Variants in ST7 observed in about 807,000 individuals in gnomAD.
The protein encoded by ST7 is suppressor of tumorigenicity 7 protein.
Under a neutral mutation model 78.7 loss-of-function variants are expected in ST7, and 28 were observed. The observed-to-expected ratio is 0.36, with a 90% CI of 0.26 to 0.49. The LOEUF is 0.49. ST7 is among the 20% of genes least tolerant of loss of function. ST7 has a pLI of 0.99. For synonymous variants in ST7, 247 were observed against 249.6 expected (o/e 0.99, Z 0.10); for missense variants, 418 against 696.0 (o/e 0.60, Z 4.49).
At chr7:117,108,448 A>C (rs893347971) in intron 2 of ST7, among the ~76,000 whole-genome samples, 1 of 152,146 alleles carries the variant, frequency 6.6e-6, no homozygotes, top group African/African-American at 2.4e-5. Flanking sequence ...TCATAGGTCT[A>C]TATGCCTGTT....
chr7:117,111,060 G>T (rs181491094), intron 2 of ST7, among the ~76,000 whole-genome samples: 1 of 152,242 alleles, frequency 6.6e-6, no homozygotes, highest in Non-Finnish European at 1.5e-5. Flanking sequence ...ACAGCTTTAG[G>T]CTCCTGCTTT....
At chr7:116,968,724 A>G (rs1420030134) in intron 1 of ST7, 1 of 161,684 alleles carries the variant, frequency 6.2e-6, no homozygotes, top group African/African-American at 2.4e-5. Flanking sequence ...GTAGAGCACA[A>G]AGGAGAAATA....
At chr7:116,978,878 C>T (rs551989005) in intron 1 of ST7, among the ~76,000 whole-genome samples, 100 of 152,236 alleles carry the variant, frequency 6.6e-4, no homozygotes, top group Non-Finnish European at 1.0e-3. Flanking sequence ...TGAGCCACTG[C>T]GCCTGGCCCA....
intron 1 of ST7, among the ~76,000 whole-genome samples, chr7:117,036,158 C>A (rs1488606814): frequency 6.6e-6 from 1 of 152,150 alleles, no homozygotes; most frequent in African/African-American, 2.4e-5. Context: ...GGCAAGCTTA[C>A]TCCGCATATT....
At position 117,219,751 on chromosome 7, in the gene ST7, C is replaced by A. The variant is rs759709356; in HGVS notation, c.1498+575C>A. On this transcript the variant is annotated intron_variant, in intron 14 of 15. Coordinates refer to ENST00000323984, the MANE Select transcript of ST7 (RefSeq NM_001369598.1). The surrounding 1 kb of genome is among the most constrained non-coding windows in gnomAD (Gnocchi z 5.1). Reference sequence around the variant, plus strand: ...CTCGGAGTACCATGTGCAGAGCACACGTGTAGCCTCAGCACTGTATGAAAG... The same window carrying A: ...CTCGGAGTACCATGTGCAGAGCACAAGTGTAGCCTCAGCACTGTATGAAAG... 9.2e-5 allele frequency among the ~76,000 whole-genome samples: 14 copies of A among 152,234 alleles called. No homozygotes were observed. Among genetic ancestry groups the A allele is most frequent in the Non-Finnish European group, 1.8e-4 (12 of 68,034 alleles).
intron 12 of ST7, among the ~76,000 whole-genome samples, chr7:117,207,779 G>C (rs1001125392): frequency 6.6e-6 from 1 of 152,076 alleles, no homozygotes; most frequent in Non-Finnish European, 1.5e-5. Context: ...TAATTAGAAA[G>C]TCAGATCAAA....
At chr7:117,214,922 G>C (rs1792573702) in intron 13 of ST7, among the ~76,000 whole-genome samples, 1 of 121,092 alleles carries the variant, frequency 8.3e-6, no homozygotes, top group South Asian at 2.1e-4. Context: ...GTGTGTGTGT[G>C]TGTGTGTGTG....
chr7:117,089,574 G>GTT (rs1363196802), intron 1 of ST7, among the ~76,000 whole-genome samples: 17 of 136,698 alleles, frequency 1.2e-4, no homozygotes, highest in East Asian at 8.4e-4. Flanking sequence ...TTGTTTTTTT[G>GTT]TTTTTTTTTT....
intron 2 of ST7, among the ~76,000 whole-genome samples, chr7:117,109,080 A>G (rs1802208115): frequency 6.6e-6 from 1 of 152,070 alleles, no homozygotes; most frequent in African/African-American, 2.4e-5. Flanking sequence ...TACCGATTTG[A>G]ATGCCCTTTA....
At chr7:117,049,536 C>G (rs1797658978) in intron 1 of ST7, among the ~76,000 whole-genome samples, 1 of 152,206 alleles carries the variant, frequency 6.6e-6, no homozygotes, top group Non-Finnish European at 1.5e-5. Flanking sequence ...TTTCTCAAAT[C>G]ATACTATAGT....
intron 1 of ST7, among the ~76,000 whole-genome samples, chr7:117,044,936 C>T (rs936157287): frequency 6.6e-6 from 1 of 152,130 alleles, no homozygotes; most frequent in Non-Finnish European, 1.5e-5. Flanking sequence ...TAATGCCTCT[C>T]CCCCCTACTA....
intron 7 of ST7, 125 bp downstream of exon 7, chr7:117,134,317 G>C (rs1385261531): frequency 7.1e-7 from 1 of 1,408,784 alleles, no homozygotes; most frequent in African/African-American, 1.4e-5. Context: ...TTGTGACAAG[G>C]ATGCATCATC....
intron 1 of ST7, among the ~76,000 whole-genome samples, chr7:116,995,633 G>T (rs189360774): frequency 2.0e-5 from 3 of 152,248 alleles, no homozygotes; most frequent in Admixed American, 6.5e-5. Flanking sequence ...GACTGTGCTT[G>T]CCCCTTCCTC....
At chr7:117,017,313 C>G (rs1795662007) in intron 1 of ST7, among the ~76,000 whole-genome samples, 1 of 152,192 alleles carries the variant, frequency 6.6e-6, no homozygotes, top group South Asian at 2.1e-4. Context: ...TGGCTGATGC[C>G]TAGAGTGTAG....
intron 1 of ST7, among the ~76,000 whole-genome samples, chr7:116,989,647 T>C (rs1794338404): frequency 6.6e-6 from 1 of 151,954 alleles, no homozygotes; most frequent in Non-Finnish European, 1.5e-5. Context: ...GAGACCAGCA[T>C]GGGCAACATA....
chr7:117,221,180 C>T (rs1031197737), intron 14 of ST7, among the ~76,000 whole-genome samples: 4 of 152,120 alleles, frequency 2.6e-5, no homozygotes, highest in African/African-American at 4.8e-5. Context: ...TTTGGTTTTC[C>T]CAAACCCAAT....
Position 117,190,944 on chromosome 7 carries a change from T to G in ST7, c.1254+8T>G. The stretch of plus-strand genomic sequence containing the variant: ...AATCCTCATGTGCCAAAAGTGAGTC[T>G]GTGGAATCCCCACAGGAACTCGTTA... On this transcript the variant is annotated splice_region_variant and intron_variant, in intron 12 of 15. Coordinates refer to ENST00000323984, the MANE Select transcript of ST7 (RefSeq NM_001369598.1). This position sits in a 1 kb window ranked among gnomAD's most constrained non-coding sequence, Gnocchi z 5.2. 1 of 1,608,266 alleles carries G rather than the reference T, an allele frequency of 6.2e-7. No individual in the cohort carries two copies. Among genetic ancestry groups the G allele is most frequent in the Non-Finnish European group, 8.5e-7 (1 of 1,174,676 alleles).
intron 9 of ST7, among the ~76,000 whole-genome samples, chr7:117,166,839 A>C (rs71564582): frequency 0.14 from 21,980 of 151,646 alleles, 1,677 homozygotes; most frequent in Non-Finnish European, 0.16. Context: ...CAGTGAGCTG[A>C]GATTGCACCA....
chr7:116,999,930 C>T (rs544930849), intron 1 of ST7, among the ~76,000 whole-genome samples: 2 of 150,880 alleles, frequency 1.3e-5, no homozygotes, highest in Non-Finnish European at 2.9e-5. Context: ...CCTGCCTCAG[C>T]CTCCCAAGTA....
Sources: allele counts gnomAD v4.1 joint callset (sites outside exome capture counted in the v4.1 genomes callset), GRCh38; gene constraint gnomAD v4.1.1; non-coding constraint Gnocchi (gnomAD v3.1); transcripts MANE v1.5; gene names NCBI Gene and HGNC (gene_info 2026-07-23, HGNC 2026-07-21).